PARD3B: variants seen among roughly 807,000 people sequenced by gnomAD.
The protein encoded by PARD3B is par-3 family cell polarity regulator beta.
A neutral mutation model predicts 130.2 loss-of-function variants in PARD3B; 103 were observed. The observed-to-expected ratio is 0.79, with a 90% CI of 0.67 to 0.93. PARD3B has a LOEUF of 0.93. Ranked by LOEUF, PARD3B falls within the 40% of genes least tolerant of loss-of-function variation. The pLI is 0.00. For synonymous variants in PARD3B, 583 were observed against 553.2 expected (o/e 1.05, Z -0.76); for missense variants, 1,609 against 1,499.2 (o/e 1.07, Z -1.21).
intron 18 of PARD3B, among the ~76,000 whole-genome samples, chr2:205,303,903 C>G (rs1268060897): frequency 6.6e-6 from 1 of 152,134 alleles, no homozygotes; most frequent in East Asian, 1.9e-4. Flanking sequence ...TGTCTTTACT[C>G]CTATAATTTC....
chr2:204,742,918 G>T (rs2040068046), intron 2 of PARD3B, among the ~76,000 whole-genome samples: 1 of 152,136 alleles, frequency 6.6e-6, no homozygotes, highest in Non-Finnish European at 1.5e-5. Context: ...ACAAGTAAAA[G>T]AGATTTCATT....
intron 1 of PARD3B, among the ~76,000 whole-genome samples, chr2:204,621,414 C>G (rs1360842315): frequency 6.6e-6 from 1 of 152,074 alleles, no homozygotes; most frequent in Non-Finnish European, 1.5e-5. Flanking sequence ...GTTCTATAAA[C>G]TTAGTTTAGA....
chr2:205,522,725 G>A (rs2051133461), intron 21 of PARD3B, among the ~76,000 whole-genome samples: 2 of 151,962 alleles, frequency 1.3e-5, no homozygotes, highest in African/African-American at 4.8e-5. Context: ...AGTCAGCACC[G>A]ATTATTATAC....
At chr2:204,987,811 T>C (rs1227253603) in intron 3 of PARD3B, among the ~76,000 whole-genome samples, 3 of 152,128 alleles carry the variant, frequency 2.0e-5, no homozygotes, top group Non-Finnish European at 4.4e-5. Context: ...TTAGAAACAT[T>C]ATCTGTGATT....
At chr2:205,486,085 A>G (rs1471391024) in intron 20 of PARD3B, among the ~76,000 whole-genome samples, 1 of 152,234 alleles carries the variant, frequency 6.6e-6, no homozygotes, top group Non-Finnish European at 1.5e-5. Flanking sequence ...AAGCTTAAAT[A>G]AATGTACACA....
chr2:205,177,785 A>G (rs1396578149), intron 13 of PARD3B, among the ~76,000 whole-genome samples: 2 of 152,164 alleles, frequency 1.3e-5, no homozygotes, highest in Non-Finnish European at 2.9e-5. Flanking sequence ...GTGTTGAGCA[A>G]TTTGCCTGCA....
chr2:204,986,101 CAAAA>C (rs371839271), intron 3 of PARD3B, among the ~76,000 whole-genome samples: 5 of 51,252 alleles, frequency 9.8e-5, no homozygotes, highest in African/African-American at 2.5e-4. Context: ...ACTCTGTCTC[CAAAA>C]AAAAAAAAAA....
intron 3 of PARD3B, among the ~76,000 whole-genome samples, chr2:204,991,117 G>A (rs1693638708): frequency 6.6e-6 from 1 of 150,760 alleles, no homozygotes. Context: ...GGGTACATGT[G>A]CACATTGTGC....
chr2:204,567,847 A>G (rs1354442998), intron 1 of PARD3B, among the ~76,000 whole-genome samples: 1 of 152,196 alleles, frequency 6.6e-6, no homozygotes, highest in African/African-American at 2.4e-5. Flanking sequence ...CAAAGGTTTC[A>G]ATTTCTTCCT....
At chr2:204,788,292 C>A (rs1304719722) in intron 2 of PARD3B, among the ~76,000 whole-genome samples, 1 of 152,164 alleles carries the variant, frequency 6.6e-6, no homozygotes, top group Non-Finnish European at 1.5e-5. Flanking sequence ...TCAACAGAAT[C>A]TATGGAACAT....
chr2:205,048,397 G>A (rs542630080), intron 4 of PARD3B: 1 of 152,286 alleles, frequency 6.6e-6, no homozygotes, highest in South Asian at 2.1e-4. Context: ...TTCCATATAG[G>A]ACTGTGGGAT....
At chr2:205,483,965 C>G (rs1302003525) in intron 20 of PARD3B, among the ~76,000 whole-genome samples, 1 of 152,156 alleles carries the variant, frequency 6.6e-6, no homozygotes, top group East Asian at 1.9e-4. Flanking sequence ...CGCCATTCCA[C>G]ATGTTCCTCG....
chr2:204,614,796 G>A (rs2034049815), intron 1 of PARD3B, among the ~76,000 whole-genome samples: 2 of 151,966 alleles, frequency 1.3e-5, no homozygotes, highest in African/African-American at 4.8e-5. Flanking sequence ...TCCTCCTCCC[G>A]CTTCACCTTC....
Position 205,158,947 on chromosome 2 carries a change from CTTGGAGATGTGA to C in PARD3B, c.1620+41_1620+52del. On this transcript the variant is annotated intron_variant, in intron 11 of 22. Coordinates refer to ENST00000406610, the MANE Select transcript of PARD3B (RefSeq NM_001302769.2). The surrounding 1 kb of genome is among the most constrained non-coding windows in gnomAD (Gnocchi z 5.4). ...CATTTGTACATCCTTTGAGAAGGCA[CTTGGAGATGTGA>C]CTGTTGTACTTAGAGACTGAATGGA... 3.1e-6 allele frequency: 5 copies of C among 1,599,262 alleles called. No homozygotes were observed. Among genetic ancestry groups the C allele is most frequent in the Non-Finnish European group, 2.6e-6 (3 of 1,168,992 alleles).
At chr2:205,543,624 T>A (rs1211359460) in intron 21 of PARD3B, among the ~76,000 whole-genome samples, 1 of 152,242 alleles carries the variant, frequency 6.6e-6, no homozygotes, top group Non-Finnish European at 1.5e-5. Context: ...GTTCAAATCC[T>A]GGCTTTGCCA....
Position 205,369,690 on chromosome 2 carries a change from G to GCTTTAACCTCCCTACATTACA in PARD3B, c.2631-31322_2631-31302dup, listed in dbSNP as rs575733584. Among the ~76,000 whole-genome samples the GCTTTAACCTCCCTACATTACA allele has an allele frequency of 6.4e-4, 98 of 152,222 alleles. No homozygotes were observed. In the East Asian group the frequency reaches 0.018, roughly 27 times the overall value. On this transcript the variant is annotated intron_variant, in intron 18 of 22. Transcript: ENST00000406610. ...GGCTTCTTCAGCTTACCACCTCAAT[G>GCTTTAACCTCCCTACATTACA]CTTTAACCTCCCTACATTACAGATA...
intron 21 of PARD3B, among the ~76,000 whole-genome samples, chr2:205,546,101 T>G (rs2052367530): frequency 6.6e-6 from 1 of 152,208 alleles, no homozygotes; most frequent in Non-Finnish European, 1.5e-5. Flanking sequence ...TCCCATGGAC[T>G]AAAAGCACCT....
chr2:205,012,416 C>G (rs1695788302), intron 3 of PARD3B, among the ~76,000 whole-genome samples: 1 of 152,078 alleles, frequency 6.6e-6, no homozygotes, highest in Admixed American at 6.5e-5. Context: ...AGGAAAAATT[C>G]AAAATGTTAG....
chr2:205,076,092 C>T (rs1268097388), intron 4 of PARD3B, among the ~76,000 whole-genome samples: 1 of 152,126 alleles, frequency 6.6e-6, no homozygotes, highest in Non-Finnish European at 1.5e-5. Context: ...TTTTACCTAA[C>T]TTCATGATGC....
Sources: allele counts gnomAD v4.1 joint callset (sites outside exome capture counted in the v4.1 genomes callset), GRCh38; gene constraint gnomAD v4.1.1; non-coding constraint Gnocchi (gnomAD v3.1); transcripts MANE v1.5; gene names NCBI Gene and HGNC (gene_info 2026-07-23, HGNC 2026-07-21).